The following MRPL48 variants were observed in gnomAD, a reference collection of about 807,000 sequenced individuals.
The protein encoded by MRPL48 is large ribosomal subunit protein mL48.
In MRPL48, 16 loss-of-function variants were observed where a neutral mutation model predicts 32.9. That is an observed-to-expected ratio of 0.49 (90% CI 0.33 to 0.74). MRPL48 has a LOEUF of 0.74. Among genes scored for constraint, MRPL48 ranks in the 30% least tolerant of loss-of-function variants. The probability of loss-of-function intolerance (pLI) is 0.02; values close to 1 mark genes in which losing one functional copy is unlikely to be tolerated. For synonymous variants in MRPL48, 94 were observed against 89.2 expected, an observed-to-expected ratio of 1.05 and a Z score of -0.31; for missense variants, 206 against 245.3, an observed-to-expected ratio of 0.84 and a Z score of 1.07.
At chr11:73,823,866 T>A (rs1238268688) in intron 3 of MRPL48, among the ~76,000 whole-genome samples, 1 of 151,550 alleles carries the variant, frequency 6.6e-6, no homozygotes, top group Non-Finnish European at 1.5e-5. Context: ...ACCCCCCTTT[T>A]TTTTTTTGAG....
intron 3 of MRPL48, among the ~76,000 whole-genome samples, chr11:73,812,905 A>G (rs891669764): frequency 1.8e-4 from 27 of 151,154 alleles, no homozygotes; most frequent in Admixed American, 5.3e-4. Flanking sequence ...ATGCGCCACC[A>G]TGCCTGGCTA....
intron 5 of MRPL48, 179 bp downstream of exon 5, chr11:73,845,155 C>G: frequency 1.8e-6 from 1 of 547,332 alleles, no homozygotes. Context: ...CTTTGGTGCC[C>G]TGGTGTAGTC....
chr11:73,835,496 T>G (rs1256644235), intron 4 of MRPL48, among the ~76,000 whole-genome samples: 30 of 152,244 alleles, frequency 2.0e-4, no homozygotes, highest in African/African-American at 2.4e-5. Flanking sequence ...GCTTAATACA[T>G]TCTTCATTTC....
intron 4 of MRPL48, among the ~76,000 whole-genome samples, chr11:73,838,026 G>A (rs1192736896): frequency 6.6e-6 from 1 of 152,010 alleles, no homozygotes; most frequent in Non-Finnish European, 1.5e-5. Context: ...TAATTTTTTT[G>A]TATTTTTGGT....
At chr11:73,851,282 A>G (rs1948385211) in intron 5 of MRPL48, 1 of 264,440 alleles carries the variant, frequency 3.8e-6, no homozygotes, top group African/African-American at 2.3e-5. Flanking sequence ...GTGGAAATCA[A>G]GGCTTAGAAA....
intron 3 of MRPL48, among the ~76,000 whole-genome samples, chr11:73,821,674 T>G (rs955422532): frequency 1.3e-5 from 2 of 152,198 alleles, no homozygotes; most frequent in African/African-American, 4.8e-5. Flanking sequence ...TAGACAGCCC[T>G]TATCACCTTG....
At chr11:73,788,074 G>T in intron 1 of MRPL48, 82 bp downstream of exon 1, 1 of 1,571,570 alleles carries the variant, frequency 6.4e-7, no homozygotes, top group Non-Finnish European at 8.7e-7. Flanking sequence ...TGCAGAGCGG[G>T]GAGGTGGCGG....
rs563757749 is a variant in MRPL48 at position 73,806,934 on chromosome 11, A to G, written c.75-1379A>G. Reference sequence around the variant, plus strand: ...ACCCAGGCTGGAGTGCAGTGGCACTATCTCAGTTCACTGCAACCTCTACCA... The same window carrying G: ...ACCCAGGCTGGAGTGCAGTGGCACTGTCTCAGTTCACTGCAACCTCTACCA... On this transcript the variant is annotated intron_variant, in intron 2 of 7. Transcript: ENST00000310614. Among the ~76,000 whole-genome samples, 47 of 152,006 alleles carry G rather than the reference A, an allele frequency of 3.1e-4. 1 individual carries two copies. In the East Asian group the frequency reaches 8.1e-3, roughly 26 times the overall value.
chr11:73,805,200 G>A, intron 2 of MRPL48, 121 bp downstream of exon 2: 1 of 764,060 alleles, frequency 1.3e-6, no homozygotes, highest in Admixed American at 2.4e-5. Flanking sequence ...CATCTCCCCT[G>A]CCACCTTGCT....
chr11:73,808,299 C>T lies in MRPL48; in HGVS notation c.75-14C>T. ...TTTCTAATTGTATTGAACATACTTTCTCCCTCCTTTTAGGTTTAGAACTTC... is the reference window on the plus strand; with the variant it reads ...TTTCTAATTGTATTGAACATACTTTTTCCCTCCTTTTAGGTTTAGAACTTC... On this transcript the variant is annotated splice_polypyrimidine_tract_variant and intron_variant, in intron 2 of 7. Coordinates refer to ENST00000310614, the MANE Select transcript of MRPL48 (RefSeq NM_016055.6). 2 of 1,599,928 alleles carry T rather than the reference C, an allele frequency of 1.3e-6. No individual in the cohort carries two copies. The highest frequency in any genetic ancestry group is 1.7e-6 in the Non-Finnish European group (2 of 1,171,414).
intron 5 of MRPL48, among the ~76,000 whole-genome samples, chr11:73,856,450 C>T (rs986584985): frequency 5.3e-5 from 8 of 152,266 alleles, no homozygotes; most frequent in African/African-American, 1.9e-4. Flanking sequence ...CTACAACTCA[C>T]CCAGAAGGAG....
intron 5 of MRPL48, among the ~76,000 whole-genome samples, chr11:73,849,968 C>T (rs115016988): frequency 4.8e-4 from 73 of 152,154 alleles, no homozygotes; most frequent in African/African-American, 1.7e-3. Flanking sequence ...GGCTTGGTGG[C>T]GTGCGCCTGT....
chr11:73,837,466 C>T (rs1445631997), intron 4 of MRPL48, among the ~76,000 whole-genome samples: 1 of 152,158 alleles, frequency 6.6e-6, no homozygotes, highest in African/African-American at 2.4e-5. Context: ...TAATTTGATT[C>T]CTTTCTTTAT....
In MRPL48 at chr11:73,848,404, T is replaced by C. The variant is rs139459576; in HGVS notation, c.371+3428T>C. 2.0e-3 allele frequency among the ~76,000 whole-genome samples: 305 copies of C among 152,270 alleles called. 1 individual carries two copies. The highest frequency in any genetic ancestry group is 3.8e-3 in the Admixed American group (58 of 15,280). Reference sequence around the variant, plus strand: ...TAACTTTGTTCTTCTTTTTCAAAATTATTTTGGCTATTCTAGGTCCTTTGG... The same window carrying C: ...TAACTTTGTTCTTCTTTTTCAAAATCATTTTGGCTATTCTAGGTCCTTTGG... On this transcript the variant is annotated intron_variant, in intron 5 of 7. Coordinates refer to ENST00000310614, the MANE Select transcript of MRPL48 (RefSeq NM_016055.6).
Position 73,857,250 on chromosome 11 carries a change from C to T in MRPL48, c.372-2657C>T, listed in dbSNP as rs145408341. Reference sequence around the variant, plus strand: ...GGTTCAAGTGATTCTTCTGCCTCAGCCTCCCGAGTAGTAGGGACTACAGGC... The same window carrying T: ...GGTTCAAGTGATTCTTCTGCCTCAGTCTCCCGAGTAGTAGGGACTACAGGC... On this transcript the variant is annotated intron_variant, in intron 5 of 7. Coordinates refer to ENST00000310614, the MANE Select transcript of MRPL48 (RefSeq NM_016055.6). Among the ~76,000 whole-genome samples the T allele has an allele frequency of 5.2e-3, 793 of 152,018 alleles. 8 individuals are homozygous for T. The highest frequency in any genetic ancestry group is 0.017 in the African/African-American group (724 of 41,464).
At position 73,840,602 on chromosome 11, in the gene MRPL48, C is replaced by T. The variant is rs1412575084; in HGVS notation, c.202-4205C>T. Among the ~76,000 whole-genome samples, 10 of 152,230 alleles carry T rather than the reference C, an allele frequency of 6.6e-5. No individual in the cohort carries two copies. The East Asian group carries it at 7.7e-4, about 12-fold the overall frequency. The stretch of plus-strand genomic sequence containing the variant: ...GCAACCTCTGCCTCCCAGGTTGAAG[C>T]GATTCTCCTGCCTCAGCCTCTGGAG... On this transcript the variant is annotated intron_variant, in intron 4 of 7. Coordinates refer to ENST00000310614, the MANE Select transcript of MRPL48 (RefSeq NM_016055.6).
chr11:73,853,796 T>TTC (rs1159000118), intron 5 of MRPL48, among the ~76,000 whole-genome samples: 2 of 146,602 alleles, frequency 1.4e-5, no homozygotes, highest in Non-Finnish European at 3.0e-5. Context: ...GTTGACGCCA[T>TTC]TCTCCTGCCT....
At chr11:73,851,688 C>G (rs1474361757) in intron 5 of MRPL48, among the ~76,000 whole-genome samples, 1 of 144,972 alleles carries the variant, frequency 6.9e-6, no homozygotes, top group African/African-American at 2.5e-5. Flanking sequence ...TCTTTAGCAC[C>G]CACTACAAGG....
chr11:73,840,645 A>G (rs1590986091), intron 4 of MRPL48, among the ~76,000 whole-genome samples: 1 of 151,700 alleles, frequency 6.6e-6, no homozygotes, highest in Admixed American at 6.6e-5. Flanking sequence ...GACTACAGGC[A>G]CCCGCCACCA....
Sources: allele counts gnomAD v4.1 joint callset (sites outside exome capture counted in the v4.1 genomes callset), GRCh38; gene constraint gnomAD v4.1.1; transcripts MANE v1.5; gene names NCBI Gene and HGNC (gene_info 2026-07-23, HGNC 2026-07-21).